Variants in KLHL5 observed in about 807,000 individuals in gnomAD.
KLHL5 encodes kelch-like protein 5.
Under a neutral mutation model 77.7 loss-of-function variants are expected in KLHL5, and 48 were observed. That is an observed-to-expected ratio of 0.62 (90% CI 0.49 to 0.79). KLHL5 has a LOEUF of 0.79. Ranked by LOEUF, KLHL5 falls within the 30% of genes least tolerant of loss-of-function variation. The probability of loss-of-function intolerance (pLI) is 0.00; values close to 1 mark genes in which losing one functional copy is unlikely to be tolerated. For synonymous variants in KLHL5, 260 were observed against 297.0 expected (o/e 0.88, Z 1.28); for missense variants, 723 against 859.7 (o/e 0.84, Z 1.99).
At chr4:39,115,810 C>A (rs1368263499) in intron 10 of KLHL5, 2 of 1,021,808 alleles carry the variant, frequency 2.0e-6, no homozygotes, top group Non-Finnish European at 2.3e-6. Context: ...GAAACCTGAT[C>A]TGGCAGTCTT....
At chr4:39,045,030 C>A, upstream of KLHL5, 2 of 994,054 alleles carry the variant, frequency 2.0e-6, no homozygotes, top group Non-Finnish European at 2.4e-6. Context: ...GCCCCCGCCT[C>A]CCCCGCTCCT....
Position 39,082,003 on chromosome 4 carries a change from A to G in KLHL5, c.744A>G (p.Leu248=), listed in dbSNP as rs1440944954. 7 of 1,611,058 alleles carry G rather than the reference A, an allele frequency of 4.3e-6. No homozygotes were observed. The African/African-American group carries it at 6.7e-5, about 15-fold the overall frequency. Residue 248 remains leucine, a synonymous_variant, in exon 4 of 11, where the codon TTA becomes TTG. Coordinates refer to ENST00000504108, the MANE Select transcript of KLHL5 (RefSeq NM_015990.5). ...ELKEDNIECL[L]STACLLQLSQ... ...AAGAAGATAATATTGAGTGCCTGTT[A>G]TCTACAGCTTGCCTTCTTCAGCTTT...
intron 7 of KLHL5, among the ~76,000 whole-genome samples, chr4:39,104,835 G>A (rs914522132): frequency 8.6e-5 from 13 of 151,360 alleles, no homozygotes; most frequent in African/African-American, 2.7e-4. Context: ...GCACAATCTC[G>A]GCTCACTGCA....
At chr4:39,129,067 A>G (rs1560450661), downstream of KLHL5, among the ~76,000 whole-genome samples, 1 of 151,778 alleles carries the variant, frequency 6.6e-6, no homozygotes. The surrounding 1 kb of genome is among the most constrained non-coding windows in gnomAD (Gnocchi z 4.2). Flanking sequence ...CTCCCTCCCA[A>G]CCTTGTTTAA....
At chr4:39,132,566 G>A in the KLHL5 span, among the ~76,000 whole-genome samples, 41 of 151,354 alleles carry the variant, frequency 2.7e-4, no homozygotes, top group Admixed American at 7.2e-4. Flanking sequence ...CGAGATCACC[G>A]CACTGCACTC....
At chr4:39,108,253 A>G (rs1233310740) in intron 8 of KLHL5, among the ~76,000 whole-genome samples, 1 of 152,058 alleles carries the variant, frequency 6.6e-6, no homozygotes, top group East Asian at 1.9e-4. Flanking sequence ...ATAAACAAAT[A>G]TAGGTAGAGC....
chr4:39,105,385 A>G (rs2109532920), intron 7 of KLHL5, among the ~76,000 whole-genome samples: 1 of 151,940 alleles, frequency 6.6e-6, no homozygotes, highest in Non-Finnish European at 1.5e-5. Flanking sequence ...GGGCTCAAGC[A>G]ACCTGCCTGC....
intron 10 of KLHL5, chr4:39,115,573 C>T: frequency 6.9e-7 from 1 of 1,447,894 alleles, no homozygotes; most frequent in South Asian, 1.5e-5. Flanking sequence ...CTACCACTTG[C>T]ATGATGAAGT....
intron 4 of KLHL5, among the ~76,000 whole-genome samples, chr4:39,085,930 A>G (rs1257421602): frequency 1.3e-5 from 2 of 152,228 alleles, no homozygotes; most frequent in African/African-American, 4.8e-5. Flanking sequence ...AAATATCATT[A>G]AAACGATCTT....
chr4:39,054,284 G>A lies in KLHL5; in HGVS notation c.-94-8275G>A, dbSNP rs569153690. On this transcript the variant is annotated intron_variant, in intron 1 of 11. Transcript: ENST00000261425. Reference sequence around the variant, plus strand: ...AAGCAAGAAGCACTGTGGTGTATTCGAAAGTATATGGTTTTTAGGGTCCAT... The same window carrying A: ...AAGCAAGAAGCACTGTGGTGTATTCAAAAGTATATGGTTTTTAGGGTCCAT... 8.5e-5 allele frequency among the ~76,000 whole-genome samples: 13 copies of A among 152,226 alleles called. 1 individual carries two copies. Among genetic ancestry groups the A allele is most frequent in the East Asian group, 3.9e-4 (2 of 5,174 alleles).
In KLHL5 at chr4:39,112,108, T is replaced by C. The variant is rs186653494; in HGVS notation, c.1689-912T>C. Among the ~76,000 whole-genome samples, 63 of 152,290 alleles carry C rather than the reference T, an allele frequency of 4.1e-4. 1 individual carries two copies. The highest frequency in any genetic ancestry group is 1.4e-3 in the African/African-American group (60 of 41,574). ...ATTTATGGAAAGCTTCCCAAATGAA[T>C]AGTAAGTACAAGAAGATTTTTGCTT... On this transcript the variant is annotated intron_variant, in intron 8 of 10. Transcript: ENST00000504108.
chr4:39,120,935 A>G, intron 10 of KLHL5, 75 bp from the exon 11 acceptor site: 2 of 1,148,996 alleles, frequency 1.7e-6, no homozygotes, highest in South Asian at 1.2e-5. Context: ...GGCTGTTTCA[A>G]TATTTCACCA....
intron 6 of KLHL5, among the ~76,000 whole-genome samples, chr4:39,101,443 C>A (rs918227204): frequency 1.3e-5 from 2 of 151,476 alleles, no homozygotes; most frequent in African/African-American, 4.9e-5. Context: ...ATAATGTAAG[C>A]ATATGAGTAA....
chr4:39,106,563 A>G (rs2109539733), intron 7 of KLHL5, among the ~76,000 whole-genome samples: 1 of 152,346 alleles, frequency 6.6e-6, no homozygotes, highest in South Asian at 2.1e-4. Context: ...GAATCATACC[A>G]ATAGATTATG....
At chr4:39,071,765 A>T (rs1718499430) in intron 1 of KLHL5, among the ~76,000 whole-genome samples, 2 of 152,166 alleles carry the variant, frequency 1.3e-5, no homozygotes, top group South Asian at 2.1e-4. Context: ...CATTTTTCTG[A>T]CTTTAAAATT....
chr4:39,056,673 T>A (rs1457458788), intron 1 of KLHL5, among the ~76,000 whole-genome samples: 2 of 152,190 alleles, frequency 1.3e-5, no homozygotes, highest in African/African-American at 4.8e-5. Context: ...ATAGATTAAT[T>A]TTTGGCTCTA....
At chr4:39,055,246 T>A (rs536380087) in intron 1 of KLHL5, among the ~76,000 whole-genome samples, 44 of 152,346 alleles carry the variant, frequency 2.9e-4, no homozygotes, top group African/African-American at 1.1e-3. Context: ...TTAGGCAAAC[T>A]AATGCACACT....
At chr4:39,134,753 G>T in the KLHL5 span, among the ~76,000 whole-genome samples, 12,162 of 152,250 alleles carry the variant, frequency 0.08, 539 homozygotes, top group Middle Eastern at 0.13. Context: ...CAAAAGAAGG[G>T]CATTTTAGAA....
intron 8 of KLHL5, 23 bp from the exon 9 acceptor site, chr4:39,112,990 TATTTATC>T (rs1722564081): frequency 6.3e-7 from 1 of 1,586,962 alleles, no homozygotes; most frequent in Non-Finnish European, 8.6e-7. Context: ...GCACATGTCT[TATTTATC>T]ATTTCATATA....
Sources: gnomAD v4.1 joint callset for allele counts (sites outside exome capture counted in the v4.1 genomes callset) on GRCh38, gnomAD v4.1.1 for gene constraint, Gnocchi (gnomAD v3.1) non-coding constraint, MANE v1.5 for transcripts, NCBI Gene and HGNC (gene_info 2026-07-23, HGNC 2026-07-21) for gene names.